The following DGKB variants were observed in gnomAD, a reference collection of about 807,000 sequenced individuals.
The protein encoded by DGKB is 90 kDa diacylglycerol kinase.
In DGKB, 67 loss-of-function variants were observed where a neutral mutation model predicts 114.3. That is an observed-to-expected ratio of 0.59 (90% confidence interval 0.48 to 0.72). The LOEUF (loss-of-function observed/expected upper bound fraction) is 0.72, where lower values mean the gene tolerates loss of function less well. Among genes scored for constraint, DGKB ranks in the 30% least tolerant of loss-of-function variants. The pLI is 0.00. For missense variants in DGKB, 907 were observed against 975.2 expected (o/e 0.93, Z 0.93); for synonymous variants, 398 against 323.1 (o/e 1.23, Z -2.49).
In DGKB at chr7:14,732,607, T is replaced by G. The variant is rs924646194; in HGVS notation, c.322+3434A>C. ...TAGTCCTGGACAAGACACTATGTAC[T>G]TAGTTGTAAAATGTGGAGGCCAAGC... On this transcript the variant is annotated intron_variant, in intron 5 of 25. Transcript: ENST00000402815. Among the ~76,000 whole-genome samples, 3 of 152,166 alleles carry G rather than the reference T, an allele frequency of 2.0e-5. No individual in the cohort carries two copies. The East Asian group carries it at 5.8e-4, about 29-fold the overall frequency.
chr7:14,661,489 T>C (rs1483973844), intron 13 of DGKB, among the ~76,000 whole-genome samples: 1 of 144,450 alleles, frequency 6.9e-6, no homozygotes, highest in Non-Finnish European at 1.5e-5. Context: ...GAAATGCTAA[T>C]CAAAACCACA....
Position 14,339,438 on chromosome 7 carries a change from T to TA in DGKB, c.1927-729dup, listed in dbSNP as rs557618002. On this transcript the variant is annotated intron_variant, in intron 22 of 25. Transcript: ENST00000402815. ...ACTTTATAGCTGCTGCAAAAATGGT[T>TA]AAAAAAAAACCAAGGTTAATCAGCC... Among the ~76,000 whole-genome samples the TA allele has an allele frequency of 4.4e-3, 666 of 150,858 alleles. 2 individuals carry two copies. The highest frequency in any genetic ancestry group is 0.013 in the African/African-American group (541 of 41,214).
intron 23 of DGKB, chr7:14,191,890 G>T: frequency 1.8e-6 from 1 of 544,548 alleles, no homozygotes; most frequent in Non-Finnish European, 3.5e-6. Context: ...TTGCTGAGCT[G>T]AAGGAAAAGA....
At chr7:14,365,797 CA>C (rs1451259325) in intron 21 of DGKB, among the ~76,000 whole-genome samples, 2 of 152,040 alleles carry the variant, frequency 1.3e-5, no homozygotes, top group East Asian at 3.9e-4. Context: ...ATAATTAGCA[CA>C]AAAAAGAAAT....
At chr7:14,462,176 T>G (rs892813673) in intron 21 of DGKB, among the ~76,000 whole-genome samples, 18 of 152,176 alleles carry the variant, frequency 1.2e-4, no homozygotes, top group African/African-American at 4.1e-4. Context: ...GCTGGAACTA[T>G]TCCCTTTGAA....
At chr7:14,400,604 G>GT (rs1462411574) in intron 21 of DGKB, among the ~76,000 whole-genome samples, 1 of 151,356 alleles carries the variant, frequency 6.6e-6, no homozygotes, top group Non-Finnish European at 1.5e-5. Context: ...TTTATTTCCA[G>GT]TATTTAATGG....
intron 1 of DGKB, among the ~76,000 whole-genome samples, chr7:14,934,113 G>A (rs1005310070): frequency 6.6e-6 from 1 of 152,100 alleles, no homozygotes; most frequent in African/African-American, 2.4e-5. Flanking sequence ...CTGAGCATTT[G>A]AATGACTTGT....
chr7:14,157,397 CT>C (rs974720496), intron 25 of DGKB, among the ~76,000 whole-genome samples: 1 of 136,382 alleles, frequency 7.3e-6, no homozygotes, highest in African/African-American at 2.7e-5. Flanking sequence ...TTTTATGATT[CT>C]AGCCATTATT....
chr7:14,577,542 G>C (rs1011499736), intron 19 of DGKB, among the ~76,000 whole-genome samples: 16 of 152,134 alleles, frequency 1.1e-4, no homozygotes, highest in African/African-American at 3.9e-4. Flanking sequence ...GCGTGAACCC[G>C]GGGGGCGGAG....
upstream of DGKB, chr7:14,903,420 G>C (rs1302340848): frequency 6.6e-6 from 1 of 152,378 alleles, no homozygotes; most frequent in Non-Finnish European, 1.5e-5. Flanking sequence ...TAAGACAGGG[G>C]AGGAGACGGT....
chr7:14,462,862 C>T (rs150171218), intron 21 of DGKB, among the ~76,000 whole-genome samples: 503 of 152,176 alleles, frequency 3.3e-3, no homozygotes, highest in African/African-American at 0.011. Flanking sequence ...CTACAGTAAC[C>T]AAAACAGCAT....
intron 3 of DGKB, among the ~76,000 whole-genome samples, 156 bp downstream of exon 3, chr7:14,757,499 T>C (rs1036987513): frequency 6.6e-6 from 1 of 151,072 alleles, no homozygotes; most frequent in Admixed American, 6.6e-5. Context: ...TACACACACA[T>C]ACACATATAC....
At chr7:14,512,820 TCAGA>T (rs1788187367) in intron 20 of DGKB, among the ~76,000 whole-genome samples, 1 of 152,092 alleles carries the variant, frequency 6.6e-6, no homozygotes, top group African/African-American at 2.4e-5. Flanking sequence ...AAAATCTCCC[TCAGA>T]CAAAGTTTAC....
At chr7:14,661,254 T>A (rs923496296) in intron 13 of DGKB, among the ~76,000 whole-genome samples, 3 of 147,456 alleles carry the variant, frequency 2.0e-5, no homozygotes, top group Non-Finnish European at 4.5e-5. Context: ...AGCTACCATC[T>A]GAGTGAACAG....
At chr7:14,464,041 T>TC (rs1563239375) in intron 21 of DGKB, among the ~76,000 whole-genome samples, 1 of 151,780 alleles carries the variant, frequency 6.6e-6, no homozygotes, top group South Asian at 2.1e-4. Flanking sequence ...TTTTTTTTTT[T>TC]CCCCTAGTAA....
At chr7:14,913,879 A>T (rs1384436582) in intron 1 of DGKB, among the ~76,000 whole-genome samples, 1 of 152,158 alleles carries the variant, frequency 6.6e-6, no homozygotes, top group Non-Finnish European at 1.5e-5. Context: ...GAGTTCACAG[A>T]GTAAACTACT....
At chr7:14,859,422 T>C (rs1025908632) in intron 1 of DGKB, among the ~76,000 whole-genome samples, 3 of 152,008 alleles carry the variant, frequency 2.0e-5, no homozygotes, top group African/African-American at 7.2e-5. Context: ...AAACGGACTA[T>C]ATAGGTGAGT....
At chr7:14,416,897 C>T (rs1037009034) in intron 21 of DGKB, among the ~76,000 whole-genome samples, 9 of 152,120 alleles carry the variant, frequency 5.9e-5, no homozygotes, top group Middle Eastern at 3.4e-3. Flanking sequence ...AAAACTTTTT[C>T]GAATTGTAAC....
At chr7:14,221,947 A>T (rs1207415049) in intron 23 of DGKB, among the ~76,000 whole-genome samples, 2 of 151,230 alleles carry the variant, frequency 1.3e-5, no homozygotes, top group Non-Finnish European at 3.0e-5. Context: ...GTGGCATTAA[A>T]TTTTTTATAG....
Sources: allele counts gnomAD v4.1 joint callset (sites outside exome capture counted in the v4.1 genomes callset), GRCh38; gene constraint gnomAD v4.1.1; transcripts MANE v1.5; gene names NCBI Gene and HGNC (gene_info 2026-07-23, HGNC 2026-07-21).